The following MKLN1 variants were observed in gnomAD, a reference collection of about 807,000 sequenced individuals.
MKLN1 encodes the protein muskelin.
A neutral mutation model predicts 99.0 loss-of-function variants in MKLN1; 18 were observed. The observed-to-expected ratio is 0.18, with a 90% CI of 0.13 to 0.27. The LOEUF (loss-of-function observed/expected upper bound fraction) is 0.27, where lower values mean the gene tolerates loss of function less well. Ranked by LOEUF, MKLN1 falls within the 10% of genes least tolerant of loss-of-function variation. MKLN1 has a pLI of 1.00. For missense variants in MKLN1, 621 were observed against 875.9 expected, an observed-to-expected ratio of 0.71 and a Z score of 3.67; for synonymous variants, 288 against 293.2, an observed-to-expected ratio of 0.98 and a Z score of 0.18.
intron 8 of MKLN1, among the ~76,000 whole-genome samples, chr7:131,420,281 AAAAG>A (rs896824554): frequency 1.3e-5 from 2 of 152,034 alleles, no homozygotes; most frequent in Non-Finnish European, 2.9e-5. Flanking sequence ...GTGAAAGAGA[AAAAG>A]AGAGAGGGGG....
chr7:131,180,069 A>C (rs1279357702), intron 2 of MKLN1, among the ~76,000 whole-genome samples: 2 of 152,206 alleles, frequency 1.3e-5, no homozygotes, highest in East Asian at 3.8e-4. Context: ...AAGAATTTTT[A>C]TAACCTTTTT....
rs117575329 is a variant in MKLN1 at position 131,388,029 on chromosome 7, T to C, written c.311+767T>C. Reference sequence around the variant, plus strand: ...TAAAAATGCAAAGATTAGCTGGACATGGTAGCGGACGACTGTAGTCCCATC... The same window carrying C: ...TAAAAATGCAAAGATTAGCTGGACACGGTAGCGGACGACTGTAGTCCCATC... On this transcript the variant is annotated intron_variant, in intron 3 of 17. Coordinates refer to ENST00000352689, the MANE Select transcript of MKLN1 (RefSeq NM_013255.5). 8.8e-3 allele frequency among the ~76,000 whole-genome samples: 1,332 copies of C among 152,208 alleles called. 18 individuals carry two copies. The highest frequency in any genetic ancestry group is 0.041 in the Middle Eastern group (12 of 294).
At position 131,327,998 on chromosome 7, in the gene MKLN1, G is replaced by A; in HGVS notation, c.98+1G>A. The A allele has an allele frequency of 1.2e-6, 2 of 1,613,828 alleles. No homozygotes were observed. The highest frequency in any genetic ancestry group is 1.7e-6 in the Non-Finnish European group (2 of 1,179,848). On this transcript the variant is annotated splice_donor_variant, in intron 1 of 17. Coordinates refer to ENST00000352689, the MANE Select transcript of MKLN1 (RefSeq NM_013255.5). LOFTEE classifies it high-confidence loss of function. Reference sequence around the variant, plus strand: ...CCTTTTCCTCCACCTACCTTCCCGAGTAAGTGCCGGGCCTTGAGCTCGTGC... The same window carrying A: ...CCTTTTCCTCCACCTACCTTCCCGAATAAGTGCCGGGCCTTGAGCTCGTGC...
chr7:131,443,773 A>T, intron 11 of MKLN1, 71 bp downstream of exon 11: 1 of 1,160,616 alleles, frequency 8.6e-7, no homozygotes, highest in East Asian at 2.4e-5. Flanking sequence ...GAAGTGGTGA[A>T]ATCTAATTCT....
chr7:131,487,684 A>G lies in MKLN1; in HGVS notation c.2164A>G (p.Met722Val). The change falls in exon 18 of 18, where the codon ATG becomes GTG. Residue 722 changes from methionine to valine, a missense_variant. Around this residue, in one of 8 missense-constraint regions of MKLN1, gnomAD observed 126 missense variants for 157.4 expected, o/e 0.80. Coordinates refer to ENST00000352689, the MANE Select transcript of MKLN1 (RefSeq NM_013255.5). This position sits in a 1 kb window ranked among gnomAD's most constrained non-coding sequence, Gnocchi z 4.7. ...CTTAGTAAATTTCTTTCCTGACAGC[A>G]TGACTCCTCCTAAAGGCAACCTGGT... is the stretch of plus-strand genomic sequence containing the variant. ...DTLVNFFPDS[M>V]TPPKGNLVDL... 6.2e-7 allele frequency: 1 copy of G among 1,613,194 alleles called. No individual in the cohort carries two copies. Among genetic ancestry groups the G allele is most frequent in the Non-Finnish European group, 8.5e-7 (1 of 1,179,394 alleles).
intron 3 of MKLN1, among the ~76,000 whole-genome samples, chr7:131,204,864 G>A (rs910650142): frequency 3.3e-5 from 5 of 151,656 alleles, no homozygotes; most frequent in Non-Finnish European, 5.9e-5. Context: ...AACTCAGGAG[G>A]CGGAGCTGGC....
chr7:131,320,316 C>A (rs1798751644), intron 3 of MKLN1, among the ~76,000 whole-genome samples: 1 of 152,160 alleles, frequency 6.6e-6, no homozygotes. Context: ...CTGACAAAAA[C>A]AAGCAATGGG....
chr7:131,397,722 A>T (rs942423031), intron 5 of MKLN1, among the ~76,000 whole-genome samples: 1 of 152,192 alleles, frequency 6.6e-6, no homozygotes, highest in Non-Finnish European at 1.5e-5. Flanking sequence ...TTATGTTATT[A>T]TACCCATTTG....
intron 1 of MKLN1, among the ~76,000 whole-genome samples, chr7:131,360,173 C>T (rs1004168551): frequency 6.6e-6 from 1 of 152,040 alleles, no homozygotes; most frequent in Non-Finnish European, 1.5e-5. Context: ...TCTTTATATT[C>T]ACCTATTTGT....
chr7:131,434,131 C>G (rs1445311933), intron 9 of MKLN1, among the ~76,000 whole-genome samples: 2 of 152,104 alleles, frequency 1.3e-5, no homozygotes, highest in Non-Finnish European at 1.5e-5. Context: ...GGTGATCCAC[C>G]CACCTCAACT....
chr7:131,362,112 T>C (rs1431913209), intron 1 of MKLN1, among the ~76,000 whole-genome samples: 1 of 152,052 alleles, frequency 6.6e-6, no homozygotes, highest in African/African-American at 2.4e-5. Flanking sequence ...AATTTTTTAT[T>C]TTATTTTGAG....
chr7:131,397,140 T>A, intron 4 of MKLN1, 127 bp from the exon 5 acceptor site: 1 of 622,348 alleles, frequency 1.6e-6, no homozygotes, highest in Admixed American at 3.0e-5. Flanking sequence ...ATGCTAGTCA[T>A]ATAAAAGATG....
rs113932128 is a variant in MKLN1, at chr7:131,364,023, T to C, written c.99-11401T>C. On this transcript the variant is annotated intron_variant, in intron 1 of 17. Transcript: ENST00000352689. ...AAATAGTAAAATCCCCTTCTTACTA[T>C]GCTGTTGTCTTAAAATTGGGAAATA... Among the ~76,000 whole-genome samples, 474 of 152,234 alleles carry C rather than the reference T, an allele frequency of 3.1e-3. 1 individual carries two copies. Among genetic ancestry groups the C allele is most frequent in the African/African-American group, 0.011 (451 of 41,562 alleles).
At chr7:131,471,450 A>G (rs1796818637) in intron 16 of MKLN1, among the ~76,000 whole-genome samples, 1 of 152,224 alleles carries the variant, frequency 6.6e-6, no homozygotes, top group Admixed American at 6.5e-5. Flanking sequence ...TACTAATTTC[A>G]TTCATCACTA....
chr7:131,456,603 A>G (rs1796346721), intron 12 of MKLN1, among the ~76,000 whole-genome samples: 1 of 152,148 alleles, frequency 6.6e-6, no homozygotes, highest in African/African-American at 2.4e-5. Context: ...ATGTGGACTG[A>G]CCATCTGTTC....
intron 1 of MKLN1, among the ~76,000 whole-genome samples, chr7:131,136,095 C>T (rs970656029): frequency 6.6e-6 from 1 of 152,142 alleles, no homozygotes; most frequent in African/African-American, 2.4e-5. Flanking sequence ...TTCATGAAGG[C>T]CTTCATGCAA....
intron 12 of MKLN1, among the ~76,000 whole-genome samples, chr7:131,456,597 G>A (rs1342119087): frequency 6.6e-6 from 1 of 152,132 alleles, no homozygotes; most frequent in African/African-American, 2.4e-5. Flanking sequence ...GAAAACATGT[G>A]GACTGACCAT....
chr7:131,290,358 T>C (rs1798199362), intron 3 of MKLN1, among the ~76,000 whole-genome samples: 1 of 152,188 alleles, frequency 6.6e-6, no homozygotes, highest in Admixed American at 6.5e-5. Context: ...AACCCTGCTT[T>C]ATTTTTCTCA....
At chr7:131,262,614 G>A (rs747190334) in intron 3 of MKLN1, among the ~76,000 whole-genome samples, 2 of 151,010 alleles carry the variant, frequency 1.3e-5, no homozygotes, top group African/African-American at 2.4e-5. Flanking sequence ...GCAGTGGTGC[G>A]ATCTCCGCTC....
Sources: allele counts gnomAD v4.1 joint callset (sites outside exome capture counted in the v4.1 genomes callset), GRCh38; gene constraint gnomAD v4.1.1; regional missense constraint gnomAD v4.1.1; non-coding constraint Gnocchi (gnomAD v3.1); transcripts MANE v1.5; gene names NCBI Gene and HGNC (gene_info 2026-07-23, HGNC 2026-07-21).